GOLGA4: variants seen among roughly 807,000 people sequenced by gnomAD.
The protein encoded by GOLGA4 is golgin A4, also known as golgin subfamily A member 4.
Under a neutral mutation model 265.9 loss-of-function variants are expected in GOLGA4, and 169 were observed. The observed-to-expected ratio is 0.64, with a 90% CI of 0.56 to 0.72. The LOEUF (loss-of-function observed/expected upper bound fraction) is 0.72, where lower values mean the gene tolerates loss of function less well. GOLGA4 is among the 30% of genes least tolerant of loss of function. GOLGA4 has a pLI of 0.00. For synonymous variants in GOLGA4, 923 were observed against 855.8 expected (o/e 1.08, Z -1.37); for missense variants, 2,482 against 2,483.4 (o/e 1.00, Z 0.01).
In GOLGA4 at chr3:37,360,679, T is replaced by C. The variant is rs3774760; in HGVS notation, c.6664-564T>C. 4.6e-3 allele frequency among the ~76,000 whole-genome samples: 707 copies of C among 152,262 alleles called. 22 individuals carry two copies. The East Asian group carries it at 0.087, about 19-fold the overall frequency. On this transcript the variant is annotated intron_variant, in intron 22 of 23. Transcript: ENST00000361924. The stretch of plus-strand genomic sequence containing the variant: ...GTCACAGTAAAAACTATATTTGAGA[T>C]TGAGTTTCCTTAAATTGAAATTTCA...
At chr3:37,355,411 A>G (rs1343266916) in intron 22 of GOLGA4, among the ~76,000 whole-genome samples, 2 of 152,126 alleles carry the variant, frequency 1.3e-5, no homozygotes, top group Non-Finnish European at 2.9e-5. Flanking sequence ...AATACCATAT[A>G]AGAGCTTGAC....
At chr3:37,311,900 G>A (rs1208252137) in intron 10 of GOLGA4, among the ~76,000 whole-genome samples, 1 of 152,130 alleles carries the variant, frequency 6.6e-6, no homozygotes, top group African/African-American at 2.4e-5. Context: ...GGAACTTGTG[G>A]CATGGATTTT....
intron 1 of GOLGA4, among the ~76,000 whole-genome samples, chr3:37,251,120 C>T (rs1273722951): frequency 6.6e-6 from 1 of 152,122 alleles, no homozygotes; most frequent in Non-Finnish European, 1.5e-5. Flanking sequence ...ACTAGTATCG[C>T]AACTTTATTT....
intron 2 of GOLGA4, among the ~76,000 whole-genome samples, chr3:37,254,734 C>G (rs1165611397): frequency 1.3e-5 from 2 of 151,460 alleles, no homozygotes; most frequent in Admixed American, 6.6e-5. Flanking sequence ...AATCTCTTGA[C>G]TTCGCGATCT....
At chr3:37,337,634 T>G in intron 18 of GOLGA4, 32 bp from the exon 19 acceptor site, 1 of 1,443,326 alleles carries the variant, frequency 6.9e-7, no homozygotes, top group Non-Finnish European at 9.8e-7. Context: ...GAAACCTATG[T>G]GCATTTCAGA....
chr3:37,365,432 AT>A (rs1427445621), intron 23 of GOLGA4, among the ~76,000 whole-genome samples: 2 of 152,020 alleles, frequency 1.3e-5, no homozygotes, highest in Admixed American at 6.5e-5. Context: ...CGGCCGGCTA[AT>A]TTTTTTGTAT....
At chr3:37,282,965 C>CT (rs2096838798) in intron 3 of GOLGA4, among the ~76,000 whole-genome samples, 1 of 152,080 alleles carries the variant, frequency 6.6e-6, no homozygotes, top group Non-Finnish European at 1.5e-5. Flanking sequence ...CTCAGGAAAG[C>CT]TTTTTTGGAG....
chr3:37,260,457 C>A (rs1352089417), intron 2 of GOLGA4, among the ~76,000 whole-genome samples: 1 of 151,834 alleles, frequency 6.6e-6, no homozygotes, highest in African/African-American at 2.4e-5. Flanking sequence ...CCCACCCCAC[C>A]CCCGCTGTCT....
At chr3:37,249,781 A>G (rs1237423750) in intron 1 of GOLGA4, 1 of 152,148 alleles carries the variant, frequency 6.6e-6, no homozygotes, top group Non-Finnish European at 1.5e-5. Context: ...TCTTTACCCT[A>G]CAGAATTTCC....
intron 2 of GOLGA4, among the ~76,000 whole-genome samples, chr3:37,271,104 AG>A (rs1260232028): frequency 5.3e-5 from 8 of 152,278 alleles, no homozygotes; most frequent in African/African-American, 1.7e-4. Flanking sequence ...GACAGAGCTC[AG>A]GTGGTAATGC....
At chr3:37,281,197 CAATT>C (rs1179306089) in intron 2 of GOLGA4, among the ~76,000 whole-genome samples, 1 of 152,082 alleles carries the variant, frequency 6.6e-6, no homozygotes, top group African/African-American at 2.4e-5. Context: ...TTTGTTATTC[CAATT>C]AATTAGGAGA....
chr3:37,315,394 C>T, intron 10 of GOLGA4, 26 bp from the exon 11 acceptor site: 1 of 1,584,548 alleles, frequency 6.3e-7, no homozygotes, highest in Non-Finnish European at 8.6e-7. Context: ...TCTTGAGATA[C>T]TTGTTTTCTG....
intron 11 of GOLGA4, 127 bp from the exon 12 acceptor site, chr3:37,318,931 TTTCTC>T: frequency 1.7e-6 from 1 of 596,906 alleles, no homozygotes; most frequent in African/African-American, 1.9e-5. Flanking sequence ...GGAAATGTGT[TTTCTC>T]TTAGGAATGT....
intron 21 of GOLGA4, among the ~76,000 whole-genome samples, chr3:37,347,671 C>A (rs1428356487): frequency 2.0e-5 from 3 of 151,980 alleles, no homozygotes; most frequent in Non-Finnish European, 4.4e-5. Context: ...TGGAAATAGT[C>A]ATAATTATTA....
In GOLGA4 at chr3:37,326,358, A is replaced by G; in HGVS notation, c.4472A>G (p.Gln1491Arg). 1 of 1,612,808 alleles carries G rather than the reference A, an allele frequency of 6.2e-7. No individual in the cohort carries two copies. Among genetic ancestry groups the G allele is most frequent in the Non-Finnish European group, 8.5e-7 (1 of 1,179,588 alleles). The change falls in exon 14 of 24, where the codon CAA (glutamine) becomes CGA (arginine). Residue 1491 changes from glutamine (Q) to arginine (R), a missense_variant. Coordinates refer to ENST00000361924, the MANE Select transcript of GOLGA4 (RefSeq NM_002078.5). ...TTATTGAAGGAAGAGCTTGATCAGCAAAATAAAAGATTTGATTGTTTAAAG... is the reference window on the plus strand; with the variant it reads ...TTATTGAAGGAAGAGCTTGATCAGCGAAATAAAAGATTTGATTGTTTAAAG... ...INLLKEELDQ[Q>R]NKRFDCLKGE...
At chr3:37,276,284 C>T in intron 2 of GOLGA4, 1 of 1,582,766 alleles carries the variant, frequency 6.3e-7, no homozygotes, top group Non-Finnish European at 8.6e-7. Flanking sequence ...GATATCAAAT[C>T]TTAAAGATGC....
intron 10 of GOLGA4, among the ~76,000 whole-genome samples, chr3:37,303,065 C>T (rs766343169): frequency 3.3e-5 from 5 of 152,198 alleles, no homozygotes; most frequent in Admixed American, 6.5e-5. Flanking sequence ...GCTACAATGC[C>T]GTAAACAGGC....
rs757632776 is a variant in GOLGA4 at position 37,324,444 on chromosome 3, G to A, written c.2558G>A (p.Cys853Tyr). ...AEVEAQKKDV[C>Y]TELDAHKIQV... ...GTTGAAGCACAAAAGAAAGATGTTT[G>A]TACTGAGTTAGATGCTCACAAAATC... The change falls in exon 14 of 24, where the codon TGT (cysteine) becomes TAT (tyrosine). Residue 853 changes from cysteine (C) to tyrosine (Y), a missense_variant. Coordinates refer to ENST00000361924, the MANE Select transcript of GOLGA4 (RefSeq NM_002078.5). 10 of 1,614,166 alleles carry A rather than the reference G, an allele frequency of 6.2e-6. No homozygotes were observed. Among genetic ancestry groups the A allele is most frequent in the Non-Finnish European group, 8.5e-6 (10 of 1,180,000 alleles).
intron 7 of GOLGA4, 100 bp downstream of exon 7, chr3:37,296,319 G>A: frequency 8.5e-7 from 1 of 1,182,080 alleles, no homozygotes; most frequent in Non-Finnish European, 1.2e-6. Context: ...GCCAGTGTGG[G>A]AGGATCGCTT....
Sources: gnomAD v4.1 joint callset for allele counts (sites outside exome capture counted in the v4.1 genomes callset) on GRCh38, gnomAD v4.1.1 for gene constraint, MANE v1.5 for transcripts, NCBI Gene and HGNC (gene_info 2026-07-23, HGNC 2026-07-21) for gene names.